Variants in SYNCRIP observed in about 807,000 individuals in gnomAD.
The protein encoded by SYNCRIP is heterogeneous nuclear ribonucleoprotein Q.
A neutral mutation model predicts 68.9 loss-of-function variants in SYNCRIP; 9 were observed. The observed-to-expected ratio is 0.13, with a 90% CI of 0.08 to 0.23. SYNCRIP has a LOEUF of 0.23. SYNCRIP is among the 10% of genes least tolerant of loss of function. SYNCRIP has a pLI of 1.00. For missense variants in SYNCRIP, 414 were observed against 770.6 expected, an observed-to-expected ratio of 0.54 and a Z score of 5.48; for synonymous variants, 258 against 254.0, an observed-to-expected ratio of 1.02 and a Z score of -0.15.
At chr6:85,623,562 C>CCAAAAAAAAAAAAAAAAAAAAAAA (rs572909849) in intron 7 of SYNCRIP, among the ~76,000 whole-genome samples, 5 of 63,238 alleles carry the variant, frequency 7.9e-5, no homozygotes, top group East Asian at 5.8e-4. Context: ...AGACTGTCTC[C>CCAAAAAAAAAAAAAAAAAAAAAAA]AAAAAAAAAA....
At chr6:85,624,631 T>C (rs1255448581) in intron 6 of SYNCRIP, among the ~76,000 whole-genome samples, 1 of 152,198 alleles carries the variant, frequency 6.6e-6, no homozygotes, top group Non-Finnish European at 1.5e-5. Flanking sequence ...ATTATGCATA[T>C]AACAAATTAT....
intron 6 of SYNCRIP, among the ~76,000 whole-genome samples, chr6:85,632,859 C>A (rs960779250): frequency 2.0e-5 from 3 of 152,154 alleles, no homozygotes; most frequent in African/African-American, 7.2e-5. Context: ...ATCACGTAAG[C>A]CCGGGAGTTC....
intron 7 of SYNCRIP, among the ~76,000 whole-genome samples, chr6:85,623,762 T>G (rs1017940884): frequency 1.3e-5 from 2 of 152,096 alleles, no homozygotes; most frequent in Non-Finnish European, 2.9e-5. Context: ...CTAGCTGTAT[T>G]CCCTACTAAC....
At chr6:85,634,069 C>G (rs1455031242) in intron 6 of SYNCRIP, among the ~76,000 whole-genome samples, 1 of 152,108 alleles carries the variant, frequency 6.6e-6, no homozygotes, top group Non-Finnish European at 1.5e-5. Flanking sequence ...TTAATTCCTA[C>G]GCCAATCAAA....
At chr6:85,623,562 C>CCAAAAAAAAAAACAAA in intron 7 of SYNCRIP, among the ~76,000 whole-genome samples, 1 of 63,240 alleles carries the variant, frequency 1.6e-5, no homozygotes, top group East Asian at 5.8e-4. Context: ...AGACTGTCTC[C>CCAAAAAAAAAAACAAA]AAAAAAAAAA....
chr6:85,643,311 T>G (rs1809434653), upstream of SYNCRIP: 1 of 151,756 alleles, frequency 6.6e-6, no homozygotes, highest in South Asian at 2.1e-4. Flanking sequence ...CTCCTCTCTT[T>G]CTCTCTCCCG....
At chr6:85,633,611 C>CA (rs1248079310) in intron 6 of SYNCRIP, among the ~76,000 whole-genome samples, 1 of 151,896 alleles carries the variant, frequency 6.6e-6, no homozygotes, top group Admixed American at 6.6e-5. Flanking sequence ...ACTAAAAAGT[C>CA]AAAAAAAGCA....
chr6:85,638,411 GT>G (rs1228027500), intron 4 of SYNCRIP, among the ~76,000 whole-genome samples: 3 of 80,620 alleles, frequency 3.7e-5, no homozygotes, highest in African/African-American at 4.2e-5. Flanking sequence ...AAAAAAAAAG[GT>G]ACACTCCTCC....
At chr6:85,619,511 A>C in intron 8 of SYNCRIP, 94 bp from the exon 9 acceptor site, 5 of 1,134,392 alleles carry the variant, frequency 4.4e-6, no homozygotes, top group Non-Finnish European at 6.2e-6. Flanking sequence ...TCAAATCACA[A>C]TCCATTAGAA....
At position 85,622,471 on chromosome 6, in the gene SYNCRIP, A is replaced by G; in HGVS notation, c.1008+11T>C. ...TCCCTCAAAAAATATTTTTAACTTG[A>G]CTATCATTACCTTTGCCATAACCTC... On this transcript the variant is annotated intron_variant, in intron 8 of 10. Transcript: ENST00000369622. 1.2e-6 allele frequency: 2 copies of G among 1,609,610 alleles called. No individual in the cohort carries two copies. The highest frequency in any genetic ancestry group is 1.7e-6 in the Non-Finnish European group (2 of 1,176,902).
chr6:85,642,191 C>G (rs1004094605), intron 1 of SYNCRIP, among the ~76,000 whole-genome samples: 2 of 152,178 alleles, frequency 1.3e-5, no homozygotes, highest in Admixed American at 1.3e-4. Context: ...CCGGCGGCGC[C>G]AGGCCACAGG....
chr6:85,634,278 CTAA>C (rs1808178795), intron 6 of SYNCRIP, among the ~76,000 whole-genome samples: 1 of 152,198 alleles, frequency 6.6e-6, no homozygotes, highest in Non-Finnish European at 1.5e-5. Flanking sequence ...CCATCTTCCT[CTAA>C]TGATGTATCT....
intron 4 of SYNCRIP, among the ~76,000 whole-genome samples, chr6:85,637,628 G>A (rs1808610255): frequency 6.6e-6 from 1 of 152,160 alleles, no homozygotes; most frequent in African/African-American, 2.4e-5. Flanking sequence ...AAAAAGTTAA[G>A]ACCAATCCAT....
chr6:85,634,643 A>C (rs1375995760), intron 6 of SYNCRIP, among the ~76,000 whole-genome samples: 1 of 152,068 alleles, frequency 6.6e-6, no homozygotes, highest in Non-Finnish European at 1.5e-5. Flanking sequence ...GAAACTGTGA[A>C]TGCAGGACCC....
downstream of SYNCRIP, chr6:85,611,179 T>C (rs935027995): frequency 6.6e-6 from 1 of 152,090 alleles, no homozygotes; most frequent in Admixed American, 6.5e-5. Context: ...TAAAATTATG[T>C]AAGTACAAAT....
At chr6:85,626,219 C>A (rs963680240) in intron 6 of SYNCRIP, among the ~76,000 whole-genome samples, 2 of 152,138 alleles carry the variant, frequency 1.3e-5, no homozygotes, top group African/African-American at 2.4e-5. Flanking sequence ...CCTTATTTTG[C>A]AAGTAAAATT....
At chr6:85,632,343 T>TTA (rs1444018623) in intron 6 of SYNCRIP, among the ~76,000 whole-genome samples, 1 of 152,164 alleles carries the variant, frequency 6.6e-6, no homozygotes, top group Non-Finnish European at 1.5e-5. Flanking sequence ...CAACATTTAG[T>TTA]TATATATAAC....
intron 8 of SYNCRIP, among the ~76,000 whole-genome samples, chr6:85,620,908 C>T (rs888776804): frequency 6.6e-6 from 1 of 152,152 alleles, no homozygotes; most frequent in Non-Finnish European, 1.5e-5. Flanking sequence ...AAATACCATG[C>T]CCTCTAAGAG....
chr6:85,625,986 C>G (rs1335486032), intron 6 of SYNCRIP, among the ~76,000 whole-genome samples: 2 of 152,154 alleles, frequency 1.3e-5, no homozygotes, highest in Non-Finnish European at 2.9e-5. Context: ...ACACATCTAA[C>G]AATTCAGAAG....
Sources: allele counts gnomAD v4.1 joint callset (sites outside exome capture counted in the v4.1 genomes callset), GRCh38; gene constraint gnomAD v4.1.1; transcripts MANE v1.5; gene names NCBI Gene and HGNC (gene_info 2026-07-23, HGNC 2026-07-21).